Variants in PPFIBP2 observed in about 807,000 individuals in gnomAD.
The protein encoded by PPFIBP2 is PPFIB scaffold protein 2.
PPFIBP2 carries 118 observed loss-of-function variants against 118.3 expected under a neutral mutation model. The observed-to-expected ratio is 1.00, with a 90% confidence interval of 0.86 to 1.16. The LOEUF is 1.16. PPFIBP2 is among the 50% of genes most tolerant of loss of function. The pLI is 0.00. For missense variants in PPFIBP2, 1,195 were observed against 1,073.1 expected (o/e 1.11, Z -1.59); for synonymous variants, 414 against 397.4 (o/e 1.04, Z -0.50).
At chr11:7,516,586 G>T (rs555527679) in intron 1 of PPFIBP2, among the ~76,000 whole-genome samples, 1 of 152,092 alleles carries the variant, frequency 6.6e-6, no homozygotes, top group Non-Finnish European at 1.5e-5. Context: ...TTTAACGAGC[G>T]CCTGGGTGCA....
Position 7,632,885 on chromosome 11 carries a change from T to C in PPFIBP2, c.1087T>C (p.Ser363Pro). 6.2e-7 allele frequency: 1 copy of C among 1,613,740 alleles called. No homozygotes were observed. Among genetic ancestry groups the C allele is most frequent in the Non-Finnish European group, 8.5e-7 (1 of 1,179,770 alleles). ...FKQEMPPRCS[S>P]PTVGPPPLPQ... The stretch of plus-strand genomic sequence containing the variant: ...GGTGCAGATGCCTCCAAGATGTAGC[T>C]CTCCTACAGTGGGGCCACCTCCATT... The change falls in exon 12 of 24, where the codon TCT becomes CCT. Residue 363 changes from serine (S) to proline (P), a missense_variant. Transcript: ENST00000299492.
chr11:7,548,615 A>G (rs1278329244), intron 1 of PPFIBP2: 1 of 152,224 alleles, frequency 6.6e-6, no homozygotes, highest in East Asian at 1.9e-4. Flanking sequence ...TTTAAACTAA[A>G]GACCTTCCTT....
rs186660775 is a variant in PPFIBP2 at position 7,525,090 on chromosome 11, G to C, written c.-37+10969G>C. Reference sequence around the variant, plus strand: ...GGAAATGAGGAAGCTGACTCCTCTTGCCTGTCCTGCCCCCTCATTCTATCA... The same window carrying C: ...GGAAATGAGGAAGCTGACTCCTCTTCCCTGTCCTGCCCCCTCATTCTATCA... On this transcript the variant is annotated intron_variant, in intron 1 of 23. Coordinates refer to ENST00000299492, the MANE Select transcript of PPFIBP2 (RefSeq NM_003621.5). 4.4e-3 allele frequency among the ~76,000 whole-genome samples: 676 copies of C among 152,212 alleles called. 6 individuals are homozygous for C. Among genetic ancestry groups the C allele is most frequent in the African/African-American group, 0.015 (617 of 41,528 alleles).
At chr11:7,606,828 T>G (rs932296752) in intron 5 of PPFIBP2, among the ~76,000 whole-genome samples, 2 of 148,172 alleles carry the variant, frequency 1.3e-5, no homozygotes, top group Non-Finnish European at 3.0e-5. Context: ...TTATGAAACT[T>G]TAAAAAATCA....
At chr11:7,608,636 G>T (rs564455744) in intron 5 of PPFIBP2, among the ~76,000 whole-genome samples, 4 of 151,650 alleles carry the variant, frequency 2.6e-5, no homozygotes, top group Non-Finnish European at 5.9e-5. Flanking sequence ...GCGAAACGCT[G>T]TCTCAAAAAA....
In PPFIBP2 at chr11:7,653,676, C is replaced by G. The variant is rs749448960; in HGVS notation, c.*458C>G. The G allele has an allele frequency of 7.8e-7, 1 of 1,289,428 alleles. No homozygotes were observed. Among genetic ancestry groups the G allele is most frequent in the Middle Eastern group, 2.1e-4 (1 of 4,692 alleles). 79.9% of individuals were successfully genotyped at this position (1,289,428 alleles called of 1,614,324 possible). On this transcript the variant is annotated 3_prime_UTR_variant, in exon 24 of 24. Transcript: ENST00000299492. ...GGATGAGCAACAGGGACTTCTGCCA[C>G]AGTGACAATGGAATTGTGTTGTGCC...
At chr11:7,555,299 CTG>C (rs1853478827) in intron 2 of PPFIBP2, among the ~76,000 whole-genome samples, 1 of 152,180 alleles carries the variant, frequency 6.6e-6, no homozygotes, top group East Asian at 1.9e-4. Context: ...TAAGAGGAGT[CTG>C]TTTTATGACA....
chr11:7,665,259 C>T, the PPFIBP2 span: 27 of 895,834 alleles, frequency 3.0e-5, no homozygotes, highest in African/African-American at 1.0e-4. Flanking sequence ...CCAGTGTGTG[C>T]GCGAAGGTAC....
chr11:7,549,606 TTAC>T (rs1554948673), intron 2 of PPFIBP2, 67 bp downstream of exon 2: 3 of 1,319,976 alleles, frequency 2.3e-6, no homozygotes, highest in Non-Finnish European at 3.0e-6. Flanking sequence ...TTCTCTCCTT[TTAC>T]TTTTTTTTTT....
At chr11:7,667,027 T>G in the PPFIBP2 span, 1 of 152,470 alleles carries the variant, frequency 6.6e-6, no homozygotes, top group African/African-American at 2.4e-5. Flanking sequence ...GAGCCCCATT[T>G]GGGGGAAAGG....
intron 20 of PPFIBP2, 108 bp from the exon 21 acceptor site, chr11:7,649,424 C>T: frequency 6.8e-7 from 1 of 1,464,668 alleles, no homozygotes; most frequent in Non-Finnish European, 9.4e-7. Flanking sequence ...TCCACGTGCA[C>T]CTTCCTGAGA....
chr11:7,565,409 T>C (rs1226416123), intron 2 of PPFIBP2, 144 bp from the exon 3 acceptor site: 42 of 801,838 alleles, frequency 5.2e-5, no homozygotes, highest in Admixed American at 2.7e-4. Context: ...TAGCTGAGAC[T>C]ACAGGCGTGC....
At chr11:7,593,420 G>C (rs902697576) in intron 4 of PPFIBP2, among the ~76,000 whole-genome samples, 196 bp downstream of exon 4, 1 of 152,228 alleles carries the variant, frequency 6.6e-6, no homozygotes, top group Non-Finnish European at 1.5e-5. Flanking sequence ...CTTGGCTTAG[G>C]GGGGCTGTGA....
intron 1 of PPFIBP2, among the ~76,000 whole-genome samples, chr11:7,529,177 C>T (rs1274853271): frequency 1.6e-4 from 25 of 152,122 alleles, no homozygotes; most frequent in Admixed American, 1.6e-3. Flanking sequence ...AGCTCTACCT[C>T]CTTGTCCTAC....
In PPFIBP2 at chr11:7,559,085, G is replaced by A. The variant is rs750719107; in HGVS notation, c.65-6468G>A. Among the ~76,000 whole-genome samples, 5 of 152,304 alleles carry A rather than the reference G, an allele frequency of 3.3e-5. No individual in the cohort carries two copies. The East Asian group carries it at 7.7e-4, about 24-fold the overall frequency. ...GTAAAACCGCTCAGGTGACTTCAAT[G>A]TGCATTGAAAGTTGAAAATATTTGT... On this transcript the variant is annotated intron_variant, in intron 2 of 23. Transcript: ENST00000299492.
In PPFIBP2 at chr11:7,641,565, C is replaced by A; in HGVS notation, c.1462C>A (p.Pro488Thr). 1 of 1,614,036 alleles carries A rather than the reference C, an allele frequency of 6.2e-7. No individual in the cohort carries two copies. Among genetic ancestry groups the A allele is most frequent in the Non-Finnish European group, 8.5e-7 (1 of 1,179,842 alleles). The part of the protein sequence containing the change: ...SSGTESGPQS[P>T]LTPDGKRNPK... ...GGGCACTGAATCAGGTCCTCAGTCT[C>A]CTCTGACACCAGATGGTAAACGGAA... Residue 488 changes from proline to threonine, a missense_variant, in exon 16 of 24, where the codon CCT (proline) becomes ACT (threonine). Physicochemically the swap from Pro to Thr is conservative, Grantham distance 38. Coordinates refer to ENST00000299492, the MANE Select transcript of PPFIBP2 (RefSeq NM_003621.5).
At chr11:7,659,894 T>C (rs1854854842), downstream of PPFIBP2, among the ~76,000 whole-genome samples, 1 of 119,066 alleles carries the variant, frequency 8.4e-6, no homozygotes, top group Non-Finnish European at 2.0e-5. Flanking sequence ...CTAGGTATTT[T>C]ATTCTCTTTG....
intron 5 of PPFIBP2, 22 bp from the exon 6 acceptor site, chr11:7,610,269 C>T (rs746393508): frequency 4.5e-5 from 73 of 1,610,936 alleles, no homozygotes; most frequent in South Asian, 3.3e-4. Context: ...TTTCTGATTT[C>T]GAGATCTGTT....
intron 9 of PPFIBP2, among the ~76,000 whole-genome samples, chr11:7,628,990 C>T (rs532664997): frequency 1.3e-5 from 2 of 152,334 alleles, no homozygotes; most frequent in Admixed American, 1.3e-4. Context: ...AAGTTCCTTT[C>T]AAGGCCTTTG....
Sources: gnomAD v4.1 joint callset for allele counts (sites outside exome capture counted in the v4.1 genomes callset) on GRCh38, gnomAD v4.1.1 for gene constraint, MANE v1.5 for transcripts, NCBI Gene and HGNC (gene_info 2026-07-23, HGNC 2026-07-21) for gene names.